The following HEPACAM2 variants were observed in gnomAD, a reference collection of about 807,000 sequenced individuals.
The protein encoded by HEPACAM2 is mitotic kinetics regulator.
In HEPACAM2, 49 loss-of-function variants were observed where a neutral mutation model predicts 49.6. The observed-to-expected ratio is 0.99, with a 90% CI of 0.78 to 1.25. The LOEUF is 1.25. Ranked by LOEUF, HEPACAM2 falls within the 50% of genes most tolerant of loss-of-function variation. The pLI, the probability that HEPACAM2 is intolerant of heterozygous loss-of-function variation, is 0.00. For synonymous variants in HEPACAM2, 197 were observed against 202.9 expected, an observed-to-expected ratio of 0.97 and a Z score of 0.25; for missense variants, 525 against 557.2, an observed-to-expected ratio of 0.94 and a Z score of 0.58.
chr7:93,188,824 A>T lies in HEPACAM2; in HGVS notation c.*443T>A, dbSNP rs1793462099. 1 of 390,566 alleles carries T rather than the reference A, an allele frequency of 2.6e-6. No individual in the cohort carries two copies. The highest frequency in any genetic ancestry group is 1.4e-4 in the South Asian group (1 of 6,958). The allele number at this position is 390,566 out of a possible 1,614,324, so 24.2% of individuals were successfully genotyped here. ...GAAACATAAATTTAGCATTCTTAAC[A>T]CTAATAAAAATTTAATAAAACAAAG... On this transcript the variant is annotated 3_prime_UTR_variant, in exon 10 of 10. Coordinates refer to ENST00000394468, the MANE Select transcript of HEPACAM2 (RefSeq NM_001039372.4).
At chr7:93,225,936 C>G in intron 1 of HEPACAM2, 1 of 1,399,146 alleles carries the variant, frequency 7.1e-7, no homozygotes, top group Non-Finnish European at 9.6e-7. Flanking sequence ...AAGCAGTAAA[C>G]AGTTTGCAAC....
At chr7:93,199,433 CT>C (rs1793823155) in intron 4 of HEPACAM2, among the ~76,000 whole-genome samples, 1 of 152,058 alleles carries the variant, frequency 6.6e-6, no homozygotes, top group Non-Finnish European at 1.5e-5. Context: ...CCACTTTGCA[CT>C]TGGGTAGTCT....
At chr7:93,226,034 T>C in intron 1 of HEPACAM2, 1 of 615,522 alleles carries the variant, frequency 1.6e-6, no homozygotes, top group South Asian at 2.4e-5. Context: ...TATTAGAATA[T>C]TTGCTGAAAT....
intron 1 of HEPACAM2, among the ~76,000 whole-genome samples, chr7:93,222,563 C>T (rs1184776893): frequency 6.6e-6 from 1 of 152,108 alleles, no homozygotes; most frequent in East Asian, 1.9e-4. Flanking sequence ...TTGAAGATTA[C>T]TGTGCTTGTT....
intron 2 of HEPACAM2, among the ~76,000 whole-genome samples, chr7:93,218,219 A>G (rs1794358718): frequency 6.6e-6 from 1 of 151,864 alleles, no homozygotes; most frequent in African/African-American, 2.4e-5. Flanking sequence ...TTTGACTTTT[A>G]CTCTGAGTGA....
intron 4 of HEPACAM2, among the ~76,000 whole-genome samples, chr7:93,202,086 T>C (rs1406248715): frequency 2.3e-5 from 2 of 85,126 alleles, no homozygotes; most frequent in Admixed American, 2.0e-4. Flanking sequence ...AAATAAATAA[T>C]AAAAAAGAAA....
chr7:93,215,294 T>C (rs1584349784), intron 3 of HEPACAM2, 107 bp downstream of exon 3: 2 of 1,050,464 alleles, frequency 1.9e-6, no homozygotes, highest in Middle Eastern at 2.8e-4. Context: ...ACAATAATGG[T>C]AAAAAGCCAA....
chr7:93,206,271 T>G (rs1794026432), intron 4 of HEPACAM2, among the ~76,000 whole-genome samples: 1 of 152,000 alleles, frequency 6.6e-6, no homozygotes, highest in Non-Finnish European at 1.5e-5. Context: ...GGGGTGAAAA[T>G]CTGGTTAAGC....
At chr7:93,201,305 TA>T (rs1340443601) in intron 4 of HEPACAM2, among the ~76,000 whole-genome samples, 1 of 152,122 alleles carries the variant, frequency 6.6e-6, no homozygotes, top group Non-Finnish European at 1.5e-5. Flanking sequence ...TTTAGCGCAC[TA>T]AGACCTAGTA....
upstream of HEPACAM2, among the ~76,000 whole-genome samples, chr7:93,228,804 C>A (rs1422491318): frequency 2.6e-5 from 4 of 151,848 alleles, no homozygotes; most frequent in African/African-American, 4.8e-5. Flanking sequence ...ATAGAGTATG[C>A]GTGTGTGTGT....
At chr7:93,198,572 GT>G (rs1419049694) in intron 4 of HEPACAM2, among the ~76,000 whole-genome samples, 1 of 152,108 alleles carries the variant, frequency 6.6e-6, no homozygotes, top group Non-Finnish European at 1.5e-5. Context: ...ATAGGAAGTA[GT>G]TTTAACCTCC....
intron 3 of HEPACAM2, among the ~76,000 whole-genome samples, chr7:93,214,820 A>G (rs1196114623): frequency 2.6e-5 from 4 of 152,178 alleles, no homozygotes; most frequent in Admixed American, 2.0e-4. Flanking sequence ...TAGCAAAACA[A>G]AAGTATATGT....
intron 1 of HEPACAM2, among the ~76,000 whole-genome samples, chr7:93,222,777 C>T (rs1396298638): frequency 6.6e-6 from 1 of 152,042 alleles, no homozygotes; most frequent in Non-Finnish European, 1.5e-5. Context: ...TTATTGACAA[C>T]CTGAGGTGCT....
intron 1 of HEPACAM2, among the ~76,000 whole-genome samples, chr7:93,220,645 G>T (rs1794430743): frequency 6.6e-6 from 1 of 152,196 alleles, no homozygotes; most frequent in Non-Finnish European, 1.5e-5. Flanking sequence ...TGAGGGGCCT[G>T]AGAGGGCCTT....
At chr7:93,207,309 A>T (rs1344289866) in intron 4 of HEPACAM2, among the ~76,000 whole-genome samples, 1 of 152,138 alleles carries the variant, frequency 6.6e-6, no homozygotes, top group Non-Finnish European at 1.5e-5. Context: ...AGTCATAGGT[A>T]CCTTAACCAC....
At chr7:93,227,410 C>T (rs1478424585), upstream of HEPACAM2, among the ~76,000 whole-genome samples, 1 of 152,118 alleles carries the variant, frequency 6.6e-6, no homozygotes, top group African/African-American at 2.4e-5. Flanking sequence ...AAATTCCTTG[C>T]ATGCATCAGT....
At chr7:93,231,285 A>G (rs1056378279), upstream of HEPACAM2, among the ~76,000 whole-genome samples, 5 of 151,972 alleles carry the variant, frequency 3.3e-5, no homozygotes, top group African/African-American at 4.9e-5. Context: ...AGTTAACATT[A>G]TAATAAAATA....
chr7:93,200,869 T>C (rs1398366042), intron 4 of HEPACAM2, among the ~76,000 whole-genome samples: 1 of 152,114 alleles, frequency 6.6e-6, no homozygotes, highest in African/African-American at 2.4e-5. Context: ...TAGAATCCTA[T>C]CCTGGAAGCC....
chr7:93,211,887 T>A (rs1415921153), intron 3 of HEPACAM2, among the ~76,000 whole-genome samples: 1 of 152,150 alleles, frequency 6.6e-6, no homozygotes, highest in East Asian at 1.9e-4. Flanking sequence ...CCACTCAATT[T>A]AGGTCTTCGT....
Sources: allele counts gnomAD v4.1 joint callset (sites outside exome capture counted in the v4.1 genomes callset), GRCh38; gene constraint gnomAD v4.1.1; transcripts MANE v1.5; gene names NCBI Gene and HGNC (gene_info 2026-07-23, HGNC 2026-07-21).